Variants in RIF1 observed in about 807,000 individuals in gnomAD.
RIF1 encodes replication timing regulatory factor 1, also known as telomere-associated protein RIF1.
Under a neutral mutation model 247.1 loss-of-function variants are expected in RIF1, and 45 were observed. The ratio of observed to expected loss-of-function variants is 0.18; its 90% CI spans 0.14 to 0.23. RIF1 has a LOEUF of 0.23. Ranked by LOEUF, RIF1 falls within the 10% of genes least tolerant of loss-of-function variation. RIF1 has a pLI of 1.00. For missense variants in RIF1, 2,967 were observed against 2,862.5 expected (o/e 1.04, Z -0.83); for synonymous variants, 1,087 against 978.8 (o/e 1.11, Z -2.06).
chr2:151,494,016 A>T (rs748358612), intron 9 of RIF1: 7 of 873,698 alleles, frequency 8.0e-6, no homozygotes, highest in Non-Finnish European at 1.1e-5. Flanking sequence ...GTTAATGGCT[A>T]CAGTAAATGT....
chr2:151,482,846 G>A (rs1028321460), downstream of RIF1, among the ~76,000 whole-genome samples: 1 of 152,168 alleles, frequency 6.6e-6, no homozygotes, highest in Non-Finnish European at 1.5e-5. Context: ...TCTAAGGACT[G>A]TGTGGAAGTT....
At position 151,463,804 on chromosome 2, in the gene RIF1, C is replaced by T. The variant is rs139219411; in HGVS notation, c.4284C>T (p.Thr1428=). The change falls in exon 30 of 36, where the codon ACC becomes ACT. Residue 1428 remains threonine (T), a synonymous_variant. Coordinates refer to ENST00000444746, the MANE Select transcript of RIF1 (RefSeq NM_018151.5). ...GACGTTCAGAAGTAGTAGAGTCTAC[C>T]ACTGAAAGCCAAGATAAGGAAAATA... ...SRRRSEVVES[T]TESQDKENSH... The T allele has an allele frequency of 4.4e-5, 71 of 1,612,260 alleles. No homozygotes were observed. The highest frequency in any genetic ancestry group is 5.8e-5 in the Non-Finnish European group (69 of 1,179,634).
At chr2:151,462,615 C>T in intron 29 of RIF1, 149 bp downstream of exon 29, 1 of 585,492 alleles carries the variant, frequency 1.7e-6, no homozygotes, top group East Asian at 2.9e-5. Flanking sequence ...AACTCCCATT[C>T]AGATACTAGC....
intron 9 of RIF1, chr2:151,494,993 C>G (rs1353767110): frequency 6.6e-6 from 1 of 152,300 alleles, no homozygotes; most frequent in East Asian, 1.9e-4. Flanking sequence ...CACTTAAACT[C>G]TCATAGACAT....
chr2:151,439,897 C>G, intron 14 of RIF1, 130 bp from the exon 15 acceptor site: 1 of 523,664 alleles, frequency 1.9e-6, no homozygotes. Flanking sequence ...CGCTTGAACC[C>G]AGGAAGTGGT....
At chr2:151,459,430 C>T (rs1432798269) in intron 25 of RIF1, among the ~76,000 whole-genome samples, 2 of 152,098 alleles carry the variant, frequency 1.3e-5, no homozygotes, top group Admixed American at 1.3e-4. Context: ...TATTCAGGAG[C>T]AGCTAGGGTA....
intron 3 of RIF1, among the ~76,000 whole-genome samples, chr2:151,411,824 T>C (rs1686290671): frequency 1.3e-5 from 2 of 152,352 alleles, no homozygotes; most frequent in Middle Eastern, 3.4e-3. Context: ...CTTTCTTAAT[T>C]ACCTTACACG....
At position 151,460,037 on chromosome 2, in the gene RIF1, T is replaced by C; in HGVS notation, c.2993T>C (p.Met998Thr). The change falls in exon 26 of 36, where the codon ATG becomes ACG. Residue 998 changes from methionine to threonine, a missense_variant. Transcript: ENST00000444746. ...CAACTAAATGTGAAGATAAGTGGCA[T>C]GGAGAGAAAATCAAATGGAAAAAGA... The part of the protein sequence containing the change: ...NSQLNVKISG[M>T]ERKSNGKRDS... The C allele has an allele frequency of 1.3e-6, 2 of 1,567,606 alleles. No individual in the cohort carries two copies. The highest frequency in any genetic ancestry group is 1.7e-6 in the Non-Finnish European group (2 of 1,150,224).
intron 6 of RIF1, among the ~76,000 whole-genome samples, chr2:151,418,869 G>A (rs1015348801): frequency 4.0e-5 from 6 of 150,064 alleles, no homozygotes; most frequent in Non-Finnish European, 8.9e-5. Context: ...AGTGAGACTT[G>A]GTCTCAAAAA....
rs1461704274 is a variant in RIF1 at position 151,410,411 on chromosome 2, C to T, written c.-10-3C>T. On this transcript the variant is annotated splice_polypyrimidine_tract_variant and splice_region_variant and intron_variant, in intron 1 of 35. Coordinates refer to ENST00000444746, the MANE Select transcript of RIF1 (RefSeq NM_018151.5). ...TTTTCTCCTCTTCCGGTTCGGGCCT[C>T]AGGGTGGCCGACATGACGGCCAGGG... is the stretch of plus-strand genomic sequence containing the variant. The T allele has an allele frequency of 1.2e-6, 2 of 1,611,316 alleles. No homozygotes were observed. The highest frequency in any genetic ancestry group is 8.5e-7 in the Non-Finnish European group (1 of 1,178,742).
the RIF1 span, chr2:151,519,009 G>A: frequency 6.2e-7 from 1 of 1,613,724 alleles, no homozygotes; most frequent in South Asian, 1.1e-5. Flanking sequence ...TTCATGATCA[G>A]AGACTCCTTC....
At chr2:151,456,319 A>G (rs1276580967) in intron 22 of RIF1, among the ~76,000 whole-genome samples, 1 of 152,256 alleles carries the variant, frequency 6.6e-6, no homozygotes, top group African/African-American at 2.4e-5. Flanking sequence ...AAAGAAATGT[A>G]CAGAAACAAG....
chr2:151,514,438 G>A, the RIF1 span: 2 of 1,578,248 alleles, frequency 1.3e-6, no homozygotes, highest in East Asian at 4.5e-5. Context: ...TCTATATCAT[G>A]AAAGAAAAGC....
At chr2:151,500,088 A>G (rs2063280891) in intron 11 of RIF1, among the ~76,000 whole-genome samples, 1 of 152,248 alleles carries the variant, frequency 6.6e-6, no homozygotes, top group Non-Finnish European at 1.5e-5. Context: ...AATAAAAGGA[A>G]TAATAATTAC....
At chr2:151,523,047 T>G in the RIF1 span, among the ~76,000 whole-genome samples, 1 of 152,170 alleles carries the variant, frequency 6.6e-6, no homozygotes, top group Non-Finnish European at 1.5e-5. Flanking sequence ...AACAATAAAG[T>G]TTTCAAAATT....
chr2:151,499,323 T>C, intron 10 of RIF1: 1 of 1,536,146 alleles, frequency 6.5e-7, no homozygotes, highest in East Asian at 2.5e-5. Context: ...TTGATTGTGT[T>C]TGACTCTCTC....
In RIF1 at chr2:151,462,996, A is replaced by T; in HGVS notation, c.3476A>T (p.Asp1159Val). The T allele has an allele frequency of 6.2e-7, 1 of 1,614,056 alleles. No individual in the cohort carries two copies. The highest frequency in any genetic ancestry group is 8.5e-7 in the Non-Finnish European group (1 of 1,179,946). ...SLSNNECGSL[D>V]KTSPEMSNSN... ...TCGAATAATGAGTGTGGTTCTCTTG[A>T]CAAAACCAGTCCAGAAATGTCAAAC... is the stretch of plus-strand genomic sequence containing the variant. The change falls in exon 30 of 36, where the codon GAC becomes GTC. Residue 1159 changes from aspartate (D) to valine (V), a missense_variant. Coordinates refer to ENST00000444746, the MANE Select transcript of RIF1 (RefSeq NM_018151.5).
intron 8 of RIF1, among the ~76,000 whole-genome samples, chr2:151,427,675 C>T (rs768032501): frequency 1.2e-4 from 18 of 152,100 alleles, no homozygotes; most frequent in Admixed American, 3.3e-4. Flanking sequence ...AATCCCAGCA[C>T]TTTGGGAGGC....
intron 29 of RIF1, 93 bp from the exon 30 acceptor site, chr2:151,462,791 C>T (rs1696389448): frequency 2.2e-6 from 2 of 902,598 alleles, no homozygotes; most frequent in Non-Finnish European, 3.4e-6. Context: ...CTTTGGGTTA[C>T]CGAAGTTTTA....
Sources: gnomAD v4.1 joint callset for allele counts (sites outside exome capture counted in the v4.1 genomes callset) on GRCh38, gnomAD v4.1.1 for gene constraint, MANE v1.5 for transcripts, NCBI Gene and HGNC (gene_info 2026-07-23, HGNC 2026-07-21) for gene names.